WDSUB1: variants seen among roughly 807,000 people sequenced by gnomAD.
WDSUB1 encodes the protein WD repeat, SAM and U-box domain-containing protein 1.
In WDSUB1, 49 loss-of-function variants were observed where a neutral mutation model predicts 53.9. The ratio of observed to expected loss-of-function variants is 0.91; its 90% CI spans 0.72 to 1.15. The LOEUF is 1.15. Among genes scored for constraint, WDSUB1 ranks in the 50% most tolerant of loss-of-function variants. The pLI, the probability that WDSUB1 is intolerant of heterozygous loss-of-function variation, is 0.00. For missense variants in WDSUB1, 514 were observed against 562.0 expected (o/e 0.91, Z 0.86); for synonymous variants, 194 against 200.6 (o/e 0.97, Z 0.28).
rs527377114 is a variant in WDSUB1 at position 159,241,719 on chromosome 2, C to CTTTTTTTTTTTTTTT, written c.1274-5530_1274-5529insAAAAAAAAAAAAAAA. On this transcript the variant is annotated intron_variant, in intron 10 of 10. Coordinates refer to ENST00000359774, the MANE Select transcript of WDSUB1 (RefSeq NM_001128212.3). The stretch of plus-strand genomic sequence containing the variant: ...CATGACTGGGGATGTTTTCTTTTTT[C>CTTTTTTTTTTTTTTT]TTTTTTTTTTTGAGATGGAGTCTCA... Among the ~76,000 whole-genome samples, 38 of 130,374 alleles carry CTTTTTTTTTTTTTTT rather than the reference C, an allele frequency of 2.9e-4. 4 individuals are homozygous for CTTTTTTTTTTTTTTT. The highest frequency in any genetic ancestry group is 3.5e-4 in the Non-Finnish European group (22 of 63,094). The allele number at this position is 130,374 out of a possible 152,430, so 85.5% of individuals were successfully genotyped here. A position where few individuals can be genotyped will look rare whatever the true frequency, so the allele number is the denominator to read the frequency against.
chr2:159,284,113 A>T (rs2061736275), intron 1 of WDSUB1, among the ~76,000 whole-genome samples: 1 of 152,170 alleles, frequency 6.6e-6, no homozygotes, highest in South Asian at 2.1e-4. Flanking sequence ...TACCCGGCCA[A>T]GGGAGCTCTG....
chr2:159,286,164 T>A (rs10185436), intron 1 of WDSUB1, among the ~76,000 whole-genome samples: 3 of 151,870 alleles, frequency 2.0e-5, no homozygotes, highest in Non-Finnish European at 4.4e-5. Context: ...ACCAGGTCAG[T>A]TGGCCAGCGT....
intron 5 of WDSUB1, among the ~76,000 whole-genome samples, chr2:159,260,508 A>G (rs2061166021): frequency 6.6e-6 from 1 of 152,256 alleles, no homozygotes; most frequent in Non-Finnish European, 1.5e-5. Flanking sequence ...TGTTTCAGAT[A>G]GCACTATTCT....
intron 2 of WDSUB1, among the ~76,000 whole-genome samples, chr2:159,281,906 G>A (rs2061673392): frequency 2.6e-5 from 4 of 152,176 alleles, no homozygotes; most frequent in Non-Finnish European, 5.9e-5. Context: ...GAACCTGGGA[G>A]GTGGAGGTTT....
rs540256737 is a variant in WDSUB1 at position 159,275,604 on chromosome 2, T to C, written c.618A>G (p.Ala206=). 17 of 1,607,056 alleles carry C rather than the reference T, an allele frequency of 1.1e-5. No homozygotes were observed. In the South Asian group the frequency reaches 1.6e-4, roughly 15 times the overall value. ...GEQGLQFFRL[A]SCGQDCQVKI... ...TGACTTGGCAATCCTGACCACATGATGCCAGTCGAAAAAACTGAAGACCTT... is the reference window on the plus strand; with the variant it reads ...TGACTTGGCAATCCTGACCACATGACGCCAGTCGAAAAAACTGAAGACCTT... The change falls in exon 4 of 11, where the codon GCA becomes GCG. Residue 206 remains alanine, a synonymous_variant. Coordinates refer to ENST00000359774, the MANE Select transcript of WDSUB1 (RefSeq NM_001128212.3).
At chr2:159,242,196 A>G (rs975068504) in intron 10 of WDSUB1, among the ~76,000 whole-genome samples, 4 of 146,714 alleles carry the variant, frequency 2.7e-5, no homozygotes, top group South Asian at 2.2e-4. Context: ...GACTACAGGC[A>G]CACGCCACCA....
intron 5 of WDSUB1, among the ~76,000 whole-genome samples, chr2:159,264,419 GC>G: frequency 6.6e-6 from 1 of 152,282 alleles, no homozygotes; most frequent in South Asian, 2.1e-4. Flanking sequence ...GCAAGAGGGG[GC>G]TGTTCATGAA....
chr2:159,259,760 T>C lies in WDSUB1; in HGVS notation c.804+50A>G, dbSNP rs374508702. 12 of 1,478,768 alleles carry C rather than the reference T, an allele frequency of 8.1e-6. No individual in the cohort carries two copies. The Admixed American group carries it at 9.1e-5, about 11-fold the overall frequency. 91.6% of individuals were successfully genotyped at this position (1,478,768 alleles called of 1,614,324 possible). A position where few individuals can be genotyped will look rare whatever the true frequency, so the allele number is the denominator to read the frequency against. ...CCAGGCCTAACTTGAAGTTCAGTAG[T>C]CTAATAAACATAACTTTCATAGATC... On this transcript the variant is annotated intron_variant, in intron 6 of 10. Transcript: ENST00000359774.
At chr2:159,242,717 A>G (rs376804828) in intron 10 of WDSUB1, among the ~76,000 whole-genome samples, 3 of 148,114 alleles carry the variant, frequency 2.0e-5, no homozygotes, top group East Asian at 4.2e-4. Context: ...TGGATGGAAA[A>G]ATAACTAGAA....
intron 2 of WDSUB1, among the ~76,000 whole-genome samples, chr2:159,282,092 C>A (rs2061676548): frequency 6.6e-6 from 1 of 151,646 alleles, no homozygotes; most frequent in South Asian, 2.1e-4. Flanking sequence ...AAAAGTCTAA[C>A]AAGATTAACT....
intron 5 of WDSUB1, among the ~76,000 whole-genome samples, chr2:159,262,535 C>T (rs987280767): frequency 1.3e-5 from 2 of 151,836 alleles, no homozygotes; most frequent in South Asian, 2.1e-4. Context: ...AAACAAAAAA[C>T]GAAAATTATA....
chr2:159,246,431 C>A (rs376540386), intron 10 of WDSUB1, among the ~76,000 whole-genome samples: 741 of 116,914 alleles, frequency 6.3e-3, no homozygotes, highest in South Asian at 7.6e-3. Context: ...GAGTCTGTCT[C>A]AAAAAAAAAA....
At chr2:159,264,032 A>G (rs2061282721) in intron 5 of WDSUB1, among the ~76,000 whole-genome samples, 1 of 152,240 alleles carries the variant, frequency 6.6e-6, no homozygotes, top group Non-Finnish European at 1.5e-5. Context: ...CAGCTAGTTA[A>G]GTGGCAAGGC....
At chr2:159,244,735 G>A (rs2060748850) in intron 10 of WDSUB1, among the ~76,000 whole-genome samples, 1 of 152,136 alleles carries the variant, frequency 6.6e-6, no homozygotes, top group South Asian at 2.1e-4. Context: ...GACCAGCCTG[G>A]GCAACAGAGA....
At position 159,256,236 on chromosome 2, in the gene WDSUB1, C is replaced by CA; in HGVS notation, c.1091dup (p.Leu364PhefsTer10). On this transcript the variant is annotated frameshift_variant, in exon 9 of 11. Coordinates refer to ENST00000359774, the MANE Select transcript of WDSUB1 (RefSeq NM_001128212.3). LOFTEE classifies it high-confidence loss of function. ...CAGCCAGACTTTCTTTTGTAAGATT[C>CA]AACAGTTCTTTTCCATCAATGTTAT... 6.2e-7 allele frequency: 1 copy of CA among 1,608,050 alleles called. No individual in the cohort carries two copies.
At chr2:159,282,643 T>A (rs1161983061) in intron 2 of WDSUB1, 29 bp downstream of exon 2, 1 of 1,584,110 alleles carries the variant, frequency 6.3e-7, no homozygotes, top group Non-Finnish European at 8.6e-7. Context: ...TCAACAGGAT[T>A]AAAACAGGAA....
chr2:159,276,242 AG>A (rs1217963078), intron 3 of WDSUB1, among the ~76,000 whole-genome samples: 3 of 152,096 alleles, frequency 2.0e-5, no homozygotes, highest in Non-Finnish European at 4.4e-5. Flanking sequence ...CTGTGTTTTT[AG>A]TAGAGACGGG....
At position 159,247,942 on chromosome 2, in the gene WDSUB1, TAA is replaced by T. The variant is rs869232865; in HGVS notation, c.1273+428_1273+429del. 1.8e-3 allele frequency among the ~76,000 whole-genome samples: 159 copies of T among 86,226 alleles called. 4 individuals carry two copies. The highest frequency in any genetic ancestry group is 0.012 in the Middle Eastern group (2 of 168). The allele number at this position is 86,226 out of a possible 152,430, so 56.6% of individuals were successfully genotyped here. A position where few individuals can be genotyped will look rare whatever the true frequency, so the allele number is the denominator to read the frequency against. The stretch of plus-strand genomic sequence containing the variant: ...ATATATATATAAATATATATATATA[TAA>T]AATTTGGATTCACTGATTACAACTA... On this transcript the variant is annotated intron_variant, in intron 10 of 10. Transcript: ENST00000359774.
intron 5 of WDSUB1, among the ~76,000 whole-genome samples, chr2:159,269,319 C>A (rs1486058016): frequency 2.6e-5 from 4 of 151,916 alleles, no homozygotes; most frequent in Non-Finnish European, 5.9e-5. Flanking sequence ...TACAGGTGCC[C>A]ACCATCATGC....
Sources: allele counts gnomAD v4.1 joint callset (sites outside exome capture counted in the v4.1 genomes callset), GRCh38; gene constraint gnomAD v4.1.1; transcripts MANE v1.5; gene names NCBI Gene and HGNC (gene_info 2026-07-23, HGNC 2026-07-21).